The following GPD2 variants were observed in gnomAD, a reference collection of about 807,000 sequenced individuals.
The protein encoded by GPD2 is glycerol-3-phosphate dehydrogenase 2, also known as glycerol-3-phosphate dehydrogenase, mitochondrial.
In GPD2, 54 loss-of-function variants were observed where a neutral mutation model predicts 82.4. That is an observed-to-expected ratio of 0.66 (90% confidence interval 0.53 to 0.82). The LOEUF is 0.82. GPD2 is among the 40% of genes least tolerant of loss of function. GPD2 has a pLI of 0.00. For synonymous variants in GPD2, 288 were observed against 306.1 expected (o/e 0.94, Z 0.62); for missense variants, 748 against 896.2 (o/e 0.83, Z 2.11).
intron 2 of GPD2, among the ~76,000 whole-genome samples, chr2:156,491,918 G>A (rs1290479503): frequency 6.6e-6 from 1 of 151,588 alleles, no homozygotes; most frequent in Non-Finnish European, 1.5e-5. Context: ...TACTCAGGAG[G>A]CTGAGGCAGG....
the GPD2 span, among the ~76,000 whole-genome samples, chr2:156,426,075 C>T: frequency 0.021 from 3,234 of 151,856 alleles, 76 homozygotes; most frequent in African/African-American, 0.06. Context: ...AGGCGCCCAC[C>T]ACCACGCCAG....
Position 156,584,282 on chromosome 2 carries a change from T to C in GPD2, c.*1364T>C, listed in dbSNP as rs1688137454. 1.3e-5 allele frequency: 2 copies of C among 152,090 alleles called. No individual in the cohort carries two copies. The highest frequency in any genetic ancestry group is 4.1e-4 in the South Asian group (2 of 4,828). 9.4% of individuals were successfully genotyped at this position (152,090 alleles called of 1,614,324 possible). A position where few individuals can be genotyped will look rare whatever the true frequency, so the allele number is the denominator to read the frequency against. On this transcript the variant is annotated 3_prime_UTR_variant, in exon 17 of 17. Coordinates refer to ENST00000438166, the MANE Select transcript of GPD2 (RefSeq NM_000408.5). ...AAGTTAACTACTTACTTTTTTGTTG[T>C]TGTTTTTTTAACATCAGGTTCTGTA...
intron 2 of GPD2, among the ~76,000 whole-genome samples, chr2:156,487,878 G>A (rs1684004914): frequency 6.6e-6 from 1 of 152,194 alleles, no homozygotes; most frequent in African/African-American, 2.4e-5. Flanking sequence ...CTTATTTGAA[G>A]TACATATATT....
At chr2:156,464,708 AATT>A (rs1312026193) in intron 1 of GPD2, among the ~76,000 whole-genome samples, 1 of 152,130 alleles carries the variant, frequency 6.6e-6, no homozygotes, top group East Asian at 1.9e-4. Flanking sequence ...TGCTATAACT[AATT>A]ATTATTAAAA....
chr2:156,529,984 T>C (rs1238133175), intron 6 of GPD2, among the ~76,000 whole-genome samples: 1 of 151,876 alleles, frequency 6.6e-6, no homozygotes, highest in Admixed American at 6.6e-5. Context: ...AGAAAGTGAT[T>C]GGTAGCTTGA....
chr2:156,549,641 T>C lies in GPD2; in HGVS notation c.695T>C (p.Ile232Thr). 1 of 1,614,090 alleles carries C rather than the reference T, an allele frequency of 6.2e-7. No homozygotes were observed. Residue 232 changes from isoleucine to threonine, a missense_variant, in exon 7 of 17, where the codon ATT (isoleucine) becomes ACT (threonine). This residue lies in a region of GPD2 where 692 missense variants were observed against 809.7 expected (regional missense o/e 0.85). Transcript: ENST00000438166. ...QHNDARMNLA[I>T]ALTAARYGAA... The stretch of plus-strand genomic sequence containing the variant: ...AACGATGCACGGATGAACCTTGCCA[T>C]TGCTCTGACTGCTGCCAGGTATGGG...
In GPD2 at chr2:156,476,121, G is replaced by A; in HGVS notation, c.16G>A (p.Ala6Thr). 3 of 1,600,562 alleles carry A rather than the reference G, an allele frequency of 1.9e-6. No homozygotes were observed. The highest frequency in any genetic ancestry group is 1.7e-5 in the Admixed American group (1 of 60,008). The change falls in exon 2 of 17, where the codon GCA becomes ACA. Residue 6 changes from alanine (A) to threonine (T), a missense_variant. Physicochemically the swap from Ala to Thr is moderately conservative, Grantham distance 58. Around this residue, in one of 3 missense-constraint regions of GPD2, gnomAD observed 692 missense variants for 809.7 expected, o/e 0.85. Transcript: ENST00000438166. MAFQK[A>T]VKGTILVGGG... ...AGGCTAAGAAATGGCATTTCAAAAG[G>A]CAGTGAAAGGGACGATTCTTGTTGG...
intron 3 of GPD2, among the ~76,000 whole-genome samples, chr2:156,508,054 G>A (rs1684849493): frequency 6.6e-6 from 1 of 152,054 alleles, no homozygotes; most frequent in Non-Finnish European, 1.5e-5. Context: ...ACAGGGAATT[G>A]TGTCACTACA....
At chr2:156,453,798 A>T (rs983650831) in intron 1 of GPD2, among the ~76,000 whole-genome samples, 2 of 151,930 alleles carry the variant, frequency 1.3e-5, no homozygotes, top group South Asian at 2.1e-4. Flanking sequence ...AATCGCTTGA[A>T]CCCGGGAGGT....
At chr2:156,564,758 A>T (rs1388904982) in intron 9 of GPD2, among the ~76,000 whole-genome samples, 1 of 152,128 alleles carries the variant, frequency 6.6e-6, no homozygotes, top group African/African-American at 2.4e-5. Context: ...TTAAATAAGG[A>T]AATTTGATCA....
chr2:156,552,668 A>T (rs1251671011), intron 8 of GPD2, among the ~76,000 whole-genome samples: 1 of 152,038 alleles, frequency 6.6e-6, no homozygotes, highest in East Asian at 1.9e-4. Context: ...TAATTCTGTC[A>T]TTAAATAATT....
intron 1 of GPD2, among the ~76,000 whole-genome samples, chr2:156,459,790 C>T (rs1347581510): frequency 6.7e-6 from 1 of 150,058 alleles, no homozygotes; most frequent in East Asian, 2.0e-4. Flanking sequence ...TGGCTTTGTT[C>T]AGGCTGAGAC....
intron 1 of GPD2, among the ~76,000 whole-genome samples, chr2:156,449,519 A>G (rs1212424325): frequency 6.6e-6 from 1 of 152,216 alleles, no homozygotes; most frequent in African/African-American, 2.4e-5. Flanking sequence ...GGAGGGCCAC[A>G]GACAATTGTA....
At chr2:156,472,298 C>T (rs546991608) in intron 1 of GPD2, among the ~76,000 whole-genome samples, 1 of 152,052 alleles carries the variant, frequency 6.6e-6, no homozygotes, top group East Asian at 1.9e-4. Context: ...TTCATTCTTT[C>T]AGCATTAAAA....
Position 156,568,854 on chromosome 2 carries a change from A to T in GPD2, c.1195A>T (p.Ser399Cys). Residue 399 changes from serine (S) to cysteine (C), a missense_variant, in exon 10 of 17, where the codon AGT becomes TGT. Ser to Cys is a moderately radical substitution (Grantham distance 112, BLOSUM62 -1). This residue lies in a region of GPD2 where 692 missense variants were observed against 809.7 expected (regional missense o/e 0.85). Coordinates refer to ENST00000438166, the MANE Select transcript of GPD2 (RefSeq NM_000408.5). Reference sequence around the variant, plus strand: ...AAGAGGGGATGTCCTGGCAGCATGGAGTGGAATCCGTCCTCTTGTTACAGA... The same window carrying T: ...AAGAGGGGATGTCCTGGCAGCATGGTGTGGAATCCGTCCTCTTGTTACAGA... The part of the protein sequence containing the change: ...VRRGDVLAAW[S>C]GIRPLVTDPK... 1 of 1,612,674 alleles carries T rather than the reference A, an allele frequency of 6.2e-7. No individual in the cohort carries two copies. Among genetic ancestry groups the T allele is most frequent in the Non-Finnish European group, 8.5e-7 (1 of 1,178,788 alleles).
intron 2 of GPD2, among the ~76,000 whole-genome samples, chr2:156,485,636 C>T (rs559640880): frequency 1.3e-5 from 2 of 152,254 alleles, no homozygotes; most frequent in African/African-American, 2.4e-5. Flanking sequence ...TCATAATGCA[C>T]GTTTATTTGT....
intron 1 of GPD2, among the ~76,000 whole-genome samples, chr2:156,455,551 C>T (rs1682761861): frequency 6.6e-6 from 1 of 152,174 alleles, no homozygotes; most frequent in Admixed American, 6.5e-5. Flanking sequence ...ACCCTATGCC[C>T]TAGTCAGACC....
chr2:156,522,187 A>G (rs1039323868), intron 6 of GPD2, among the ~76,000 whole-genome samples: 4 of 152,236 alleles, frequency 2.6e-5, no homozygotes, highest in Admixed American at 2.0e-4. Context: ...AGCCCCCAGG[A>G]AACTTTGCAA....
intron 9 of GPD2, among the ~76,000 whole-genome samples, chr2:156,561,964 CTAGATTACT>C (rs1233965687): frequency 6.6e-6 from 1 of 152,162 alleles, no homozygotes; most frequent in Non-Finnish European, 1.5e-5. Flanking sequence ...GCTGAATTTT[CTAGATTACT>C]TGTTTGTTCT....
Sources: allele counts gnomAD v4.1 joint callset (sites outside exome capture counted in the v4.1 genomes callset), GRCh38; gene constraint gnomAD v4.1.1; regional missense constraint gnomAD v4.1.1; transcripts MANE v1.5; gene names NCBI Gene and HGNC (gene_info 2026-07-23, HGNC 2026-07-21).